The following IL20RB variants were observed in gnomAD, a reference collection of about 807,000 sequenced individuals.
IL20RB encodes the protein interleukin 20 receptor subunit beta.
IL20RB carries 21 observed loss-of-function variants against 33.3 expected under a neutral mutation model. The observed-to-expected ratio is 0.63, with a 90% CI of 0.45 to 0.91. The LOEUF (loss-of-function observed/expected upper bound fraction) is 0.91, where lower values mean the gene tolerates loss of function less well. IL20RB is among the 40% of genes least tolerant of loss of function. IL20RB has a pLI of 0.00. For missense variants in IL20RB, 345 were observed against 384.8 expected, an observed-to-expected ratio of 0.90 and a Z score of 0.86; for synonymous variants, 147 against 146.8, an observed-to-expected ratio of 1.00 and a Z score of -0.01.
At chr3:136,960,053 G>A (rs1286829216) in intron 1 of IL20RB, among the ~76,000 whole-genome samples, 1 of 145,134 alleles carries the variant, frequency 6.9e-6, no homozygotes, top group Non-Finnish European at 1.5e-5. Flanking sequence ...CCTCTGGATT[G>A]TGTAGGTGCC....
intron 5 of IL20RB, among the ~76,000 whole-genome samples, chr3:136,992,841 A>G (rs1942058393): frequency 6.6e-6 from 1 of 152,204 alleles, no homozygotes; most frequent in Non-Finnish European, 1.5e-5. Context: ...AGCTGAGATT[A>G]CAGGTGTGAG....
At chr3:137,007,350 C>T (rs1942369585) in intron 6 of IL20RB, among the ~76,000 whole-genome samples, 1 of 151,734 alleles carries the variant, frequency 6.6e-6, no homozygotes, top group Admixed American at 6.5e-5. Context: ...TTTAAGTCTG[C>T]AGAAGTTGTC....
intron 3 of IL20RB, among the ~76,000 whole-genome samples, chr3:136,987,449 G>A (rs1941931507): frequency 6.6e-6 from 1 of 152,100 alleles, no homozygotes; most frequent in South Asian, 2.1e-4. Context: ...AGTGCCCATT[G>A]GTGTATTTAC....
At chr3:136,960,323 T>C (rs1941184150) in intron 1 of IL20RB, among the ~76,000 whole-genome samples, 1 of 151,990 alleles carries the variant, frequency 6.6e-6, no homozygotes, top group African/African-American at 2.4e-5. Context: ...AATTTTTGTA[T>C]TTTTAGTAAA....
chr3:136,989,855 T>C (rs1941996722), intron 4 of IL20RB, among the ~76,000 whole-genome samples: 1 of 152,154 alleles, frequency 6.6e-6, no homozygotes, highest in South Asian at 2.1e-4. Flanking sequence ...ACAATATCTT[T>C]TCAATGCCTT....
At chr3:136,995,322 A>T (rs552969693) in intron 5 of IL20RB, 92 bp from the exon 6 acceptor site, 1 of 1,451,420 alleles carries the variant, frequency 6.9e-7, no homozygotes, top group Admixed American at 1.8e-5. Context: ...GCCAATGTGC[A>T]GAGTCAACTC....
intron 6 of IL20RB, among the ~76,000 whole-genome samples, chr3:137,007,125 C>G (rs1319131785): frequency 1.3e-5 from 2 of 152,192 alleles, no homozygotes; most frequent in East Asian, 1.9e-4. Flanking sequence ...TATTGCAGAA[C>G]AGCAAATATT....
chr3:136,963,677 CT>C (rs1246638077), intron 1 of IL20RB, among the ~76,000 whole-genome samples: 4,173 of 77,752 alleles, frequency 0.054, 64 homozygotes, highest in Middle Eastern at 0.11. Context: ...GATACTAGTT[CT>C]TTTTTTTTTT....
chr3:136,986,810 C>T (rs561845475), intron 3 of IL20RB: 20 of 452,744 alleles, frequency 4.4e-5, no homozygotes, highest in Non-Finnish European at 6.6e-5. Context: ...CTTAAGGTGG[C>T]GCGTCTGGAG....
chr3:137,005,315 A>G (rs949729515), intron 6 of IL20RB, among the ~76,000 whole-genome samples: 2 of 152,122 alleles, frequency 1.3e-5, no homozygotes, highest in Non-Finnish European at 1.5e-5. Context: ...GGTCCTGGAT[A>G]TCCTTGTTAA....
At chr3:136,986,598 C>G (rs1195063826) in intron 3 of IL20RB, 3 of 445,692 alleles carry the variant, frequency 6.7e-6, no homozygotes, top group Non-Finnish European at 1.4e-5. Flanking sequence ...GTCCTCCTGA[C>G]CCCTGTCCAG....
chr3:136,971,051 C>G (rs867190396), intron 1 of IL20RB, among the ~76,000 whole-genome samples: 1 of 152,146 alleles, frequency 6.6e-6, no homozygotes, highest in Non-Finnish European at 1.5e-5. Flanking sequence ...AGAGTCATCA[C>G]CTGAGTACAA....
chr3:136,996,950 G>A (rs2108213935), intron 6 of IL20RB, among the ~76,000 whole-genome samples: 1 of 152,194 alleles, frequency 6.6e-6, no homozygotes, highest in Non-Finnish European at 1.5e-5. Context: ...CAGTTATTGG[G>A]GAAGTGTTTT....
At chr3:136,993,611 C>T (rs1013320072) in intron 5 of IL20RB, among the ~76,000 whole-genome samples, 31 of 152,148 alleles carry the variant, frequency 2.0e-4, no homozygotes, top group South Asian at 6.2e-4. Flanking sequence ...TTATGTTCCC[C>T]GCTGTTTGTC....
At chr3:136,975,762 G>T (rs2108190263) in intron 1 of IL20RB, among the ~76,000 whole-genome samples, 1 of 152,316 alleles carries the variant, frequency 6.6e-6, no homozygotes, top group Non-Finnish European at 1.5e-5. Context: ...AGATGGGCTG[G>T]TCTACAGGCC....
intron 1 of IL20RB, among the ~76,000 whole-genome samples, chr3:136,975,588 C>T (rs1941597129): frequency 3.3e-5 from 5 of 152,212 alleles, no homozygotes; most frequent in Admixed American, 3.3e-4. Context: ...CCACCTGCCT[C>T]TGCCTCCCAA....
At chr3:136,976,573 C>T (rs1016075049) in intron 1 of IL20RB, among the ~76,000 whole-genome samples, 1 of 152,190 alleles carries the variant, frequency 6.6e-6, no homozygotes, top group Non-Finnish European at 1.5e-5. Flanking sequence ...CTGTTTTCCT[C>T]CCAGTCTCAG....
In IL20RB at chr3:136,960,465, A is replaced by G. The variant is rs376454023; in HGVS notation, c.88+2264A>G. 8.5e-5 allele frequency among the ~76,000 whole-genome samples: 13 copies of G among 152,266 alleles called. No homozygotes were observed. The East Asian group carries it at 1.5e-3, about 18-fold the overall frequency. ...CCGGCCATGGCTGTCTTTCATAGAA[A>G]TCATTTGCCTTGTCCTGTCCCTCCC... On this transcript the variant is annotated intron_variant, in intron 1 of 6. Coordinates refer to ENST00000329582, the MANE Select transcript of IL20RB (RefSeq NM_144717.4).
chr3:137,002,585 G>A (rs1436092357), intron 6 of IL20RB, among the ~76,000 whole-genome samples: 3 of 151,672 alleles, frequency 2.0e-5, no homozygotes, highest in East Asian at 1.9e-4. Flanking sequence ...TTTGAGAAGT[G>A]TCTGTTCATA....
Sources: gnomAD v4.1 joint callset for allele counts (sites outside exome capture counted in the v4.1 genomes callset) on GRCh38, gnomAD v4.1.1 for gene constraint, MANE v1.5 for transcripts, NCBI Gene and HGNC (gene_info 2026-07-23, HGNC 2026-07-21) for gene names.